The following TP53BP2 variants were observed in gnomAD, a reference collection of about 807,000 sequenced individuals.
The protein encoded by TP53BP2 is apoptosis-stimulating of p53 protein 2.
In TP53BP2, 62 loss-of-function variants were observed where a neutral mutation model predicts 126.2. The ratio of observed to expected loss-of-function variants is 0.49; its 90% CI spans 0.40 to 0.61. The LOEUF (loss-of-function observed/expected upper bound fraction) is 0.61, where lower values mean the gene tolerates loss of function less well. Ranked by LOEUF, TP53BP2 falls within the 20% of genes least tolerant of loss-of-function variation. The probability of loss-of-function intolerance (pLI) is 0.00; values close to 1 mark genes in which losing one functional copy is unlikely to be tolerated. For missense variants in TP53BP2, 1,215 were observed against 1,402.8 expected, an observed-to-expected ratio of 0.87 and a Z score of 2.14; for synonymous variants, 485 against 502.9, an observed-to-expected ratio of 0.96 and a Z score of 0.48.
At chr1:223,838,686 G>T (rs1206999905) in intron 1 of TP53BP2, among the ~76,000 whole-genome samples, 1 of 152,190 alleles carries the variant, frequency 6.6e-6, no homozygotes, top group African/African-American at 2.4e-5. Flanking sequence ...CATCAAAGGT[G>T]ATGGTAAGAA....
chr1:223,834,368 C>T (rs1663849744), intron 1 of TP53BP2, among the ~76,000 whole-genome samples: 1 of 152,140 alleles, frequency 6.6e-6, no homozygotes, highest in African/African-American at 2.4e-5. Flanking sequence ...AGAACCACTG[C>T]ATTAGAGGGT....
intron 1 of TP53BP2, chr1:223,825,831 C>T (rs1172799029): frequency 1.3e-5 from 2 of 152,388 alleles, no homozygotes; most frequent in East Asian, 3.9e-4. Context: ...CAACCTGGCT[C>T]CTTCCCTCTC....
At chr1:223,809,504 T>C (rs1210795640) in intron 4 of TP53BP2, among the ~76,000 whole-genome samples, 1 of 149,412 alleles carries the variant, frequency 6.7e-6, no homozygotes, top group Non-Finnish European at 1.5e-5. Flanking sequence ...GAGGTGGAGG[T>C]TGCAGTGAGC....
Position 223,799,947 on chromosome 1 carries a change from A to G in TP53BP2, c.1437T>C (p.Gly479=). 6.2e-7 allele frequency: 1 copy of G among 1,612,572 alleles called. No individual in the cohort carries two copies. Among genetic ancestry groups the G allele is most frequent in the Non-Finnish European group, 8.5e-7 (1 of 1,179,544 alleles). The change falls in exon 11 of 18, where the codon GGT becomes GGC. Residue 479 remains glycine (G), a synonymous_variant. Transcript: ENST00000343537. ...VDQSNAPPSF[G]TLRKNQSSED... The stretch of plus-strand genomic sequence containing the variant: ...CACTGCTCTGGTTCTTCCTCAGAGT[A>G]CCAAAGGAAGGTGGGGCATTGGACT...
chr1:223,829,132 G>C (rs1663607469), intron 1 of TP53BP2, among the ~76,000 whole-genome samples: 1 of 152,054 alleles, frequency 6.6e-6, no homozygotes, highest in African/African-American at 2.4e-5. Context: ...TTTGAGAGCA[G>C]ACCATCCGGG....
chr1:223,792,291 A>ACTGACATACTTCTTTGT, intron 15 of TP53BP2, 98 bp downstream of exon 15: 1 of 1,378,448 alleles, frequency 7.3e-7, no homozygotes, highest in South Asian at 1.4e-5. Context: ...CAAGGACATA[A>ACTGACATACTTCTTTGT]CTGACATACT....
intron 2 of TP53BP2, among the ~76,000 whole-genome samples, chr1:223,815,146 T>C (rs1318640054): frequency 6.6e-6 from 1 of 152,214 alleles, no homozygotes; most frequent in Non-Finnish European, 1.5e-5. Flanking sequence ...TATAAGAATG[T>C]TGAAATACCC....
At chr1:223,841,708 C>T (rs1664107011) in intron 1 of TP53BP2, among the ~76,000 whole-genome samples, 1 of 152,106 alleles carries the variant, frequency 6.6e-6, no homozygotes, top group African/African-American at 2.4e-5. Context: ...ATCAGGTGGT[C>T]AAACTGCTAA....
At chr1:223,828,527 C>T (rs1412265017) in intron 1 of TP53BP2, among the ~76,000 whole-genome samples, 1 of 152,154 alleles carries the variant, frequency 6.6e-6, no homozygotes, top group Non-Finnish European at 1.5e-5. Context: ...AGACAAATAT[C>T]TGTTGAGACT....
chr1:223,813,631 A>C (rs1012008171), intron 3 of TP53BP2, among the ~76,000 whole-genome samples: 1 of 152,080 alleles, frequency 6.6e-6, no homozygotes, highest in Non-Finnish European at 1.5e-5. Context: ...TTGTCTAGAC[A>C]CCTTTGTTTT....
chr1:223,837,155 A>AAGG (rs375687027), intron 1 of TP53BP2, among the ~76,000 whole-genome samples: 1 of 76,688 alleles, frequency 1.3e-5, no homozygotes. Flanking sequence ...TAAAAAAAAA[A>AAGG]GGGGGGGGGC....
intron 1 of TP53BP2, among the ~76,000 whole-genome samples, chr1:223,839,541 T>C (rs1489551430): frequency 6.6e-6 from 1 of 152,274 alleles, no homozygotes; most frequent in Non-Finnish European, 1.5e-5. Flanking sequence ...ATTATGGTTT[T>C]CTACCACTTT....
intron 1 of TP53BP2, among the ~76,000 whole-genome samples, chr1:223,841,906 CTCTT>C (rs992773434): frequency 3.4e-5 from 5 of 145,640 alleles, no homozygotes; most frequent in African/African-American, 1.1e-4. Flanking sequence ...CCATTACTTT[CTCTT>C]TCTTTTTTTT....
intron 1 of TP53BP2, 24 bp downstream of exon 1, chr1:223,845,630 C>T: frequency 6.5e-7 from 1 of 1,546,730 alleles, no homozygotes; most frequent in Non-Finnish European, 8.7e-7. Context: ...CCGGGCCCGA[C>T]GCCCTGGCCG....
intron 4 of TP53BP2, among the ~76,000 whole-genome samples, chr1:223,807,281 G>C (rs1662756572): frequency 6.6e-6 from 1 of 152,158 alleles, no homozygotes; most frequent in Non-Finnish European, 1.5e-5. Context: ...AGAAGTGTTT[G>C]ATCATATTAA....
chr1:223,791,741 T>C (rs924445542), intron 15 of TP53BP2, among the ~76,000 whole-genome samples: 1 of 152,220 alleles, frequency 6.6e-6, no homozygotes. Flanking sequence ...GTTTGTATTC[T>C]TCCACAAAAG....
intron 1 of TP53BP2, among the ~76,000 whole-genome samples, chr1:223,844,302 G>T (rs573934461): frequency 1.6e-4 from 25 of 152,274 alleles, no homozygotes; most frequent in Non-Finnish European, 1.8e-4. Flanking sequence ...CCTTGGTAGG[G>T]TATCTCCAAA....
chr1:223,814,726 C>T (rs927309450), intron 2 of TP53BP2, among the ~76,000 whole-genome samples: 7 of 151,678 alleles, frequency 4.6e-5, no homozygotes, highest in Non-Finnish European at 5.9e-5. Context: ...CATGATTCTC[C>T]GAATATACAA....
Position 223,815,421 on chromosome 1 carries a change from A to T in TP53BP2, c.176-1068T>A, listed in dbSNP as rs897932843. Among the ~76,000 whole-genome samples the T allele has an allele frequency of 9.8e-5, 15 of 152,348 alleles. No individual in the cohort carries two copies. The East Asian group carries it at 2.9e-3, about 29-fold the overall frequency. ...AAGGATACACCACAGTTAGAGAGAA[A>T]CACCTCCAAAAGAAATTCTGAGTAG... On this transcript the variant is annotated intron_variant, in intron 2 of 17. Transcript: ENST00000343537.
Sources: gnomAD v4.1 joint callset for allele counts (sites outside exome capture counted in the v4.1 genomes callset) on GRCh38, gnomAD v4.1.1 for gene constraint, MANE v1.5 for transcripts, NCBI Gene and HGNC (gene_info 2026-07-23, HGNC 2026-07-21) for gene names.